Variants in RGMB observed in about 807,000 individuals in gnomAD.
RGMB encodes the protein repulsive guidance molecule B.
Under a neutral mutation model 26.9 loss-of-function variants are expected in RGMB, and 16 were observed. That is an observed-to-expected ratio of 0.60 (90% CI 0.40 to 0.90). The LOEUF is 0.90. Among genes scored for constraint, RGMB ranks in the 40% least tolerant of loss-of-function variants. RGMB has a pLI of 0.00. For missense variants in RGMB, 512 were observed against 573.3 expected (o/e 0.89, Z 1.09); for synonymous variants, 225 against 229.3 (o/e 0.98, Z 0.17).
chr5:98,788,037 C>T (rs372288587), intron 2 of RGMB, among the ~76,000 whole-genome samples: 2 of 152,166 alleles, frequency 1.3e-5, no homozygotes, highest in African/African-American at 2.4e-5. Context: ...TTATTACCTA[C>T]GGCAACACTG....
intron 1 of RGMB, among the ~76,000 whole-genome samples, chr5:98,776,695 G>A (rs1746414148): frequency 6.6e-6 from 1 of 152,240 alleles, no homozygotes; most frequent in Non-Finnish European, 1.5e-5. Flanking sequence ...CTCTGTAGCA[G>A]AAGGCTGTTG....
upstream of RGMB, chr5:98,769,372 C>T (rs1223282110): frequency 6.6e-6 from 1 of 152,556 alleles, no homozygotes; most frequent in East Asian, 1.9e-4. Context: ...GGCTCCCCGC[C>T]CTCTCCCCTA....
At chr5:98,783,022 C>T (rs1467394449) in intron 2 of RGMB, among the ~76,000 whole-genome samples, 1 of 152,196 alleles carries the variant, frequency 6.6e-6, no homozygotes, top group Non-Finnish European at 1.5e-5. Flanking sequence ...CCTCATCTCC[C>T]CTGGTCTACT....
At chr5:98,778,876 A>G (rs1394392554) in intron 1 of RGMB, among the ~76,000 whole-genome samples, 1 of 152,126 alleles carries the variant, frequency 6.6e-6, no homozygotes, top group Non-Finnish European at 1.5e-5. Context: ...CAGTAAGGAA[A>G]AAGTAAATAT....
intron 2 of RGMB, among the ~76,000 whole-genome samples, chr5:98,792,615 T>G (rs1746966363): frequency 7.2e-6 from 1 of 139,562 alleles, no homozygotes; most frequent in Admixed American, 7.4e-5. Flanking sequence ...CTTCAAAGTT[T>G]TTTAAATCAG....
At chr5:98,785,086 G>C (rs1348035245) in intron 2 of RGMB, among the ~76,000 whole-genome samples, 1 of 152,160 alleles carries the variant, frequency 6.6e-6, no homozygotes, top group African/African-American at 2.4e-5. Context: ...ATGCTAAGAA[G>C]TTCTGACTGG....
At chr5:98,773,227 G>A (rs1490057574), upstream of RGMB, 1 of 152,084 alleles carries the variant, frequency 6.6e-6, no homozygotes, top group Non-Finnish European at 1.5e-5. Flanking sequence ...AGGGCAGGGA[G>A]GGGTAATTAA....
Position 98,793,734 on chromosome 5 carries a change from T to A in RGMB, c.1295T>A (p.Ile432Asn). 1 of 1,582,266 alleles carries A rather than the reference T, an allele frequency of 6.3e-7. No homozygotes were observed. The highest frequency in any genetic ancestry group is 8.6e-7 in the Non-Finnish European group (1 of 1,162,316). ...GTCAGTCTAGGACTCACCTGCTTGA[T>A]CCTTATCGTGTTTTTGTAGGGGTTG... ...LSVSLGLTCL[I>N]LIVFL The change falls in exon 3 of 3, where the codon ATC becomes AAC. Residue 432 changes from isoleucine to asparagine, a missense_variant. Transcript: ENST00000513185.
chr5:98,793,008 G>T, intron 2 of RGMB, 77 bp from the exon 3 acceptor site: 1 of 1,189,858 alleles, frequency 8.4e-7, no homozygotes, highest in Non-Finnish European at 1.2e-6. Context: ...AAATGGCGGG[G>T]AGCTCTTGCT....
intron 2 of RGMB, among the ~76,000 whole-genome samples, chr5:98,791,680 C>G (rs1371516663): frequency 1.3e-5 from 2 of 152,112 alleles, no homozygotes; most frequent in African/African-American, 4.8e-5. Flanking sequence ...ACCCTGTTGC[C>G]TCAGTTACTA....
intron 2 of RGMB, among the ~76,000 whole-genome samples, chr5:98,785,478 G>A (rs548477932): frequency 3.9e-5 from 6 of 152,240 alleles, no homozygotes; most frequent in Non-Finnish European, 7.4e-5. Context: ...ACCCCTCCTT[G>A]CCAAATCATT....
At position 98,793,340 on chromosome 5, in the gene RGMB, A is replaced by G. The variant is rs372216293; in HGVS notation, c.901A>G (p.Met301Val). 77 of 1,613,750 alleles carry G rather than the reference A, an allele frequency of 4.8e-5. No homozygotes were observed. Among genetic ancestry groups the G allele is most frequent in the Non-Finnish European group, 6.0e-5 (71 of 1,179,838 alleles). ...LAIRMPEDLAMSYEESQDLQL... is the reference protein window; with the variant it reads ...LAIRMPEDLAVSYEESQDLQL... ...CATCCGTATGCCTGAAGACCTGGCC[A>G]TGTCCTACGAGGAGAGCCAGGACCT... Residue 301 changes from methionine to valine, a missense_variant, in exon 3 of 3, where the codon ATG becomes GTG. Coordinates refer to ENST00000513185, the MANE Select transcript of RGMB (RefSeq NM_001366508.1).
intron 2 of RGMB, among the ~76,000 whole-genome samples, chr5:98,788,771 T>C (rs952239154): frequency 6.6e-6 from 1 of 152,242 alleles, no homozygotes; most frequent in Non-Finnish European, 1.5e-5. Flanking sequence ...AGCATCCTAG[T>C]CTCTGACTTC....
chr5:98,779,607 G>T lies in RGMB; in HGVS notation c.164G>T (p.Arg55Leu), dbSNP rs200349520. 1 of 1,517,872 alleles carries T rather than the reference G, an allele frequency of 6.6e-7. No homozygotes were observed. The highest frequency in any genetic ancestry group is 1.4e-5 in the African/African-American group (1 of 72,134). The allele number at this position is 1,517,872 out of a possible 1,614,324, so 94.0% of individuals were successfully genotyped here. The change falls in exon 2 of 3, where the codon CGA (arginine) becomes CTA (leucine). Residue 55 changes from arginine (R) to leucine (L), a missense_variant. Arg to Leu is a moderately radical substitution (Grantham distance 102). Coordinates refer to ENST00000513185, the MANE Select transcript of RGMB (RefSeq NM_001366508.1). ...AGDCQQPAQC[R>L]IQKCTTDFVS... ...GACTGCCAACAGCCAGCCCAATGTC[G>T]AATCCAGAAATGCACCACGGACTTC...
chr5:98,780,977 C>G (rs1267590709), intron 2 of RGMB: 1 of 152,198 alleles, frequency 6.6e-6, no homozygotes, highest in Admixed American at 6.5e-5. Context: ...TCTTTTCCAA[C>G]CACAAAACCA....
chr5:98,777,593 TA>T (rs1339504379), intron 1 of RGMB, among the ~76,000 whole-genome samples: 1 of 152,238 alleles, frequency 6.6e-6, no homozygotes, highest in East Asian at 1.9e-4. Flanking sequence ...ACAAGCCCTT[TA>T]ATATCCCTTT....
intron 2 of RGMB, among the ~76,000 whole-genome samples, chr5:98,785,292 T>C (rs1357729451): frequency 3.9e-5 from 6 of 152,228 alleles, no homozygotes; most frequent in Non-Finnish European, 7.3e-5. Flanking sequence ...AGCACATAAC[T>C]AAAATTTGCA....
intron 2 of RGMB, among the ~76,000 whole-genome samples, chr5:98,790,935 A>G (rs1324858647): frequency 1.3e-5 from 2 of 152,184 alleles, no homozygotes; most frequent in South Asian, 2.1e-4. Flanking sequence ...CAACTTTTTC[A>G]GGTGCAAAAT....
At chr5:98,793,022 G>T in intron 2 of RGMB, 63 bp from the exon 3 acceptor site, 1 of 1,358,096 alleles carries the variant, frequency 7.4e-7, no homozygotes, top group Non-Finnish European at 1.0e-6. Context: ...TCTTGCTACA[G>T]AGGGTTACCC....
Sources: gnomAD v4.1 joint callset for allele counts (sites outside exome capture counted in the v4.1 genomes callset) on GRCh38, gnomAD v4.1.1 for gene constraint, MANE v1.5 for transcripts, NCBI Gene and HGNC (gene_info 2026-07-23, HGNC 2026-07-21) for gene names.